Variants in DNAJC13 observed in about 807,000 individuals in gnomAD.
DNAJC13 encodes the protein dnaJ homolog subfamily C member 13.
In DNAJC13, 75 loss-of-function variants were observed where a neutral mutation model predicts 290.5. The observed-to-expected ratio is 0.26, with a 90% confidence interval of 0.21 to 0.31. DNAJC13 has a LOEUF of 0.31. Ranked by LOEUF, DNAJC13 falls within the 10% of genes least tolerant of loss-of-function variation. The probability of loss-of-function intolerance (pLI) is 1.00; values close to 1 mark genes in which losing one functional copy is unlikely to be tolerated. For missense variants in DNAJC13, 2,260 were observed against 2,674.5 expected, an observed-to-expected ratio of 0.85 and a Z score of 3.42; for synonymous variants, 862 against 892.0, an observed-to-expected ratio of 0.97 and a Z score of 0.60.
At chr3:132,492,723 AT>A in intron 33 of DNAJC13, 108 bp downstream of exon 33, 1 of 934,974 alleles carries the variant, frequency 1.1e-6, no homozygotes, top group Non-Finnish European at 1.6e-6. Context: ...TTTCTTAAGT[AT>A]TCCTTCTTAA....
At chr3:132,445,641 T>C (rs935739545) in intron 2 of DNAJC13, among the ~76,000 whole-genome samples, 3 of 152,234 alleles carry the variant, frequency 2.0e-5, no homozygotes, top group South Asian at 2.1e-4. Context: ...TTTATTCTTA[T>C]ATTGAAGGGT....
intron 1 of DNAJC13, among the ~76,000 whole-genome samples, chr3:132,426,437 G>A (rs542942574): frequency 2.6e-5 from 4 of 152,346 alleles, no homozygotes; most frequent in Admixed American, 6.5e-5. Context: ...AGTTTGAGCA[G>A]ATAAATTCCT....
intron 26 of DNAJC13, among the ~76,000 whole-genome samples, chr3:132,481,033 C>T (rs1034362834): frequency 6.6e-6 from 1 of 152,164 alleles, no homozygotes; most frequent in Non-Finnish European, 1.5e-5. Flanking sequence ...TTCTGGTACA[C>T]ATACAATACA....
intron 1 of DNAJC13, among the ~76,000 whole-genome samples, chr3:132,430,225 T>C (rs1032224812): frequency 1.6e-4 from 24 of 152,304 alleles, no homozygotes; most frequent in African/African-American, 5.5e-4. Flanking sequence ...TGTAAAGTTA[T>C]TTAATTCATG....
intron 46 of DNAJC13, among the ~76,000 whole-genome samples, chr3:132,515,036 A>C (rs1176670652): frequency 1.3e-5 from 2 of 152,178 alleles, no homozygotes; most frequent in Admixed American, 6.5e-5. Context: ...TATTCAGCTT[A>C]GTGTTCAAAT....
At position 132,456,259 on chromosome 3, in the gene DNAJC13, G is replaced by A; in HGVS notation, c.957G>A (p.Leu319=). ...TERDSLLASL[L]DGVRASGNRD... ...GAGATTCCTTATTAGCAAGTTTGCT[G>A]GATGGAGTAAGAGCCTCTGGTAATA... The change falls in exon 10 of 56, where the codon CTG becomes CTA. Residue 319 remains leucine (L), a synonymous_variant. Transcript: ENST00000260818. 6.2e-7 allele frequency: 1 copy of A among 1,613,370 alleles called. No individual in the cohort carries two copies. Among genetic ancestry groups the A allele is most frequent in the Non-Finnish European group, 8.5e-7 (1 of 1,179,682 alleles).
intron 22 of DNAJC13, among the ~76,000 whole-genome samples, chr3:132,475,722 T>G (rs887588141): frequency 5.9e-5 from 9 of 152,164 alleles, no homozygotes; most frequent in Non-Finnish European, 1.2e-4. Context: ...GAAAAACTTG[T>G]CTTTACTTTG....
intron 55 of DNAJC13, among the ~76,000 whole-genome samples, chr3:132,531,579 C>T (rs1169775124): frequency 3.9e-5 from 6 of 152,132 alleles, no homozygotes; most frequent in East Asian, 1.9e-4. Flanking sequence ...GGGTGAATCA[C>T]GAGGTCAGGA....
rs1288173816 is a variant in DNAJC13, at chr3:132,530,980, C to A, written c.6526-18C>A. The stretch of plus-strand genomic sequence containing the variant: ...AGTCCTTGATTTTATGTTCAAAGGG[C>A]TTGTTTTACTTTCCTAGGTGAATGA... On this transcript the variant is annotated intron_variant, in intron 54 of 55. Coordinates refer to ENST00000260818, the MANE Select transcript of DNAJC13 (RefSeq NM_015268.4). 1.2e-6 allele frequency: 2 copies of A among 1,604,894 alleles called. No individual in the cohort carries two copies. The highest frequency in any genetic ancestry group is 4.5e-5 in the East Asian group (2 of 44,822).
At chr3:132,491,722 T>C (rs993490379) in intron 32 of DNAJC13, among the ~76,000 whole-genome samples, 6 of 152,122 alleles carry the variant, frequency 3.9e-5, no homozygotes, top group Non-Finnish European at 8.8e-5. Flanking sequence ...TCAATTCCCT[T>C]AGCTAGATAG....
Position 132,453,710 on chromosome 3 carries a change from G to A in DNAJC13, c.840+16G>A. 1.9e-6 allele frequency: 3 copies of A among 1,580,428 alleles called. No homozygotes were observed. Among genetic ancestry groups the A allele is most frequent in the Non-Finnish European group, 2.6e-6 (3 of 1,161,880 alleles). ...TTTAGGAGAAGTAAGTTTCAGCATT[G>A]TTAGCTTAAATGAGATTTCTTTCTA... On this transcript the variant is annotated intron_variant, in intron 8 of 55. Coordinates refer to ENST00000260818, the MANE Select transcript of DNAJC13 (RefSeq NM_015268.4).
intron 55 of DNAJC13, 139 bp from the exon 56 acceptor site, chr3:132,538,037 T>C: frequency 1.6e-6 from 1 of 623,872 alleles, no homozygotes; most frequent in Non-Finnish European, 2.8e-6. Flanking sequence ...TATTAAGGTA[T>C]AGATGTAATT....
At chr3:132,533,705 G>C (rs1288933908) in intron 55 of DNAJC13, among the ~76,000 whole-genome samples, 1 of 152,084 alleles carries the variant, frequency 6.6e-6, no homozygotes, top group Non-Finnish European at 1.5e-5. Flanking sequence ...ATAGTAATGT[G>C]TATATTATAA....
chr3:132,436,376 A>T (rs1426508234), intron 2 of DNAJC13, among the ~76,000 whole-genome samples: 1 of 152,242 alleles, frequency 6.6e-6, no homozygotes, highest in Non-Finnish European at 1.5e-5. Context: ...ATATTATAGC[A>T]TGTCAGTACT....
chr3:132,501,778 T>C (rs1431618826), intron 39 of DNAJC13, among the ~76,000 whole-genome samples: 1 of 152,150 alleles, frequency 6.6e-6, no homozygotes, highest in Non-Finnish European at 1.5e-5. Flanking sequence ...GTGAGAATTG[T>C]CTTGAATAAA....
chr3:132,508,264 T>C (rs1406750351), intron 43 of DNAJC13, among the ~76,000 whole-genome samples: 1 of 152,184 alleles, frequency 6.6e-6, no homozygotes, highest in African/African-American at 2.4e-5. Flanking sequence ...CTCCATAACC[T>C]AAAAGTGCAA....
chr3:132,420,253 G>A (rs1312776155), intron 1 of DNAJC13, among the ~76,000 whole-genome samples: 1 of 152,198 alleles, frequency 6.6e-6, no homozygotes, highest in Non-Finnish European at 1.5e-5. Flanking sequence ...AGATTGAGAG[G>A]GAGAGGAACA....
At position 132,495,099 on chromosome 3, in the gene DNAJC13, G is replaced by A; in HGVS notation, c.3953G>A (p.Ser1318Asn). 2 of 1,613,320 alleles carry A rather than the reference G, an allele frequency of 1.2e-6. No homozygotes were observed. The highest frequency in any genetic ancestry group is 1.7e-6 in the Non-Finnish European group (2 of 1,179,436). ...TTCCTGTTTAACAGGCATGATGAGAGCAAGATTAGGAAAGCTTACTTCAGA... is the reference window on the plus strand; with the variant it reads ...TTCCTGTTTAACAGGCATGATGAGAACAAGATTAGGAAAGCTTACTTCAGA... ...LPQGQGPHDE[S>N]KIRKAYFRLA... is the part of the protein sequence containing the mutation. Residue 1318 changes from serine to asparagine, a missense_variant, in exon 35 of 56, where the codon AGC becomes AAC. By Grantham distance (46) the Ser-to-Asn change is conservative. Transcript: ENST00000260818.
chr3:132,528,407 TTC>T (rs903487810), intron 54 of DNAJC13, 75 bp downstream of exon 54: 3 of 1,540,166 alleles, frequency 1.9e-6, no homozygotes, highest in Non-Finnish European at 2.6e-6. Flanking sequence ...CGTACCTGTG[TTC>T]AAGTTCCACT....
Sources: gnomAD v4.1 joint callset for allele counts (sites outside exome capture counted in the v4.1 genomes callset) on GRCh38, gnomAD v4.1.1 for gene constraint, MANE v1.5 for transcripts, NCBI Gene and HGNC (gene_info 2026-07-23, HGNC 2026-07-21) for gene names.